Variants in FSTL5 observed in about 807,000 individuals in gnomAD.
FSTL5 encodes follistatin like 5.
Under a neutral mutation model 89.1 loss-of-function variants are expected in FSTL5, and 62 were observed. The ratio of observed to expected loss-of-function variants is 0.70; its 90% CI spans 0.57 to 0.86. FSTL5 has a LOEUF of 0.86. FSTL5 is among the 40% of genes least tolerant of loss of function. The probability of loss-of-function intolerance (pLI) is 0.00; values close to 1 mark genes in which losing one functional copy is unlikely to be tolerated. For missense variants in FSTL5, 1,057 were observed against 1,001.6 expected (o/e 1.06, Z -0.75); for synonymous variants, 383 against 346.2 (o/e 1.11, Z -1.18).
intron 6 of FSTL5, among the ~76,000 whole-genome samples, chr4:161,734,473 T>C (rs377404429): frequency 1.2e-4 from 18 of 152,270 alleles, no homozygotes; most frequent in African/African-American, 4.1e-4. Context: ...ATGTCTCTTA[T>C]CTCTGGGCCT....
intron 6 of FSTL5, among the ~76,000 whole-genome samples, chr4:161,745,748 G>A (rs1740179173): frequency 6.6e-6 from 1 of 151,830 alleles, no homozygotes; most frequent in Admixed American, 6.6e-5. Flanking sequence ...CCTAGCAAAT[G>A]TGTAATCATA....
chr4:161,448,153 T>A (rs1245567506), intron 15 of FSTL5, among the ~76,000 whole-genome samples: 2 of 152,146 alleles, frequency 1.3e-5, no homozygotes, highest in African/African-American at 4.8e-5. Context: ...AGTTTATTTC[T>A]CTTTGTGGGA....
intron 2 of FSTL5, among the ~76,000 whole-genome samples, chr4:162,086,324 CCTAT>C (rs1192577253): frequency 2.6e-5 from 4 of 151,770 alleles, no homozygotes; most frequent in Non-Finnish European, 4.4e-5. Context: ...TCTCCCTCTT[CCTAT>C]CTTTCTTTAT....
chr4:161,951,873 TATGA>T (rs1734905900), intron 3 of FSTL5, among the ~76,000 whole-genome samples: 1 of 152,006 alleles, frequency 6.6e-6, no homozygotes, highest in African/African-American at 2.4e-5. Flanking sequence ...CAAATTTTTG[TATGA>T]ATATCTTAGC....
Position 161,593,028 on chromosome 4 carries a change from G to GTT in FSTL5, c.895-5455_895-5454dup, listed in dbSNP as rs373976242. 6.5e-3 allele frequency among the ~76,000 whole-genome samples: 991 copies of GTT among 152,218 alleles called. 8 individuals are homozygous for GTT. Among genetic ancestry groups the GTT allele is most frequent in the African/African-American group, 0.022 (922 of 41,558 alleles). On this transcript the variant is annotated intron_variant, in intron 7 of 15. Coordinates refer to ENST00000306100, the MANE Select transcript of FSTL5 (RefSeq NM_020116.5). The stretch of plus-strand genomic sequence containing the variant: ...TGCTCTGAGGATTTACCTTCTAAGA[G>GTT]TTTTTTGTTCCTTGCCCTTTCCCAA...
intron 2 of FSTL5, among the ~76,000 whole-genome samples, chr4:162,108,742 T>TA (rs1229800867): frequency 1.3e-5 from 2 of 151,410 alleles, no homozygotes; most frequent in African/African-American, 2.4e-5. Context: ...GTTTGATAAA[T>TA]AAAAAGAAAT....
At chr4:161,953,350 T>A (rs900758413) in intron 3 of FSTL5, among the ~76,000 whole-genome samples, 1 of 151,544 alleles carries the variant, frequency 6.6e-6, no homozygotes, top group Non-Finnish European at 1.5e-5. Flanking sequence ...ATTATAAAAC[T>A]TTTAAATGTA....
intron 4 of FSTL5, among the ~76,000 whole-genome samples, chr4:161,857,738 C>T (rs1731765201): frequency 6.6e-6 from 1 of 152,142 alleles, no homozygotes; most frequent in Non-Finnish European, 1.5e-5. Context: ...ACTACTAGGA[C>T]CTGGAAGACT....
At chr4:161,450,805 C>T (rs1040717347) in intron 15 of FSTL5, among the ~76,000 whole-genome samples, 6 of 148,516 alleles carry the variant, frequency 4.0e-5, no homozygotes, top group East Asian at 2.0e-4. Flanking sequence ...TGCAGTGGCA[C>T]GATCTCGGCT....
rs1185527930 is a variant in FSTL5 at position 162,066,395 on chromosome 4, C to CT, written c.127-32738_127-32737insA. 6.3e-5 allele frequency among the ~76,000 whole-genome samples: 8 copies of CT among 127,028 alleles called. No homozygotes were observed. In the South Asian group the frequency reaches 8.3e-4, roughly 13 times the overall value. The allele number at this position is 127,028 out of a possible 152,430, so 83.3% of individuals were successfully genotyped here. A position where few individuals can be genotyped will look rare whatever the true frequency, so the allele number is the denominator to read the frequency against. On this transcript the variant is annotated intron_variant, in intron 2 of 15. Transcript: ENST00000306100. ...TCTCCTTCTTCTTCTTCTTCATTTT[C>CT]CTTTTTTTTTTCAGTTTTTCACCTT...
intron 4 of FSTL5, among the ~76,000 whole-genome samples, chr4:161,797,721 T>G (rs1172600746): frequency 6.6e-6 from 1 of 151,658 alleles, no homozygotes; most frequent in South Asian, 2.1e-4. Flanking sequence ...CTAGTAAGAA[T>G]GAGACATCAT....
chr4:162,123,407 C>T (rs1039278287), intron 1 of FSTL5, among the ~76,000 whole-genome samples: 2 of 152,044 alleles, frequency 1.3e-5, no homozygotes, highest in African/African-American at 4.8e-5. Context: ...AGAGAGATCC[C>T]AGAAAGAGAG....
chr4:162,006,100 T>C (rs1736608020), intron 3 of FSTL5, among the ~76,000 whole-genome samples: 1 of 152,004 alleles, frequency 6.6e-6, no homozygotes. Flanking sequence ...CATAGGCTTT[T>C]TTTTTAAAAT....
At chr4:161,662,604 G>A (rs1736755090) in intron 6 of FSTL5, among the ~76,000 whole-genome samples, 1 of 152,050 alleles carries the variant, frequency 6.6e-6, no homozygotes, top group South Asian at 2.1e-4. Flanking sequence ...TGAATAAAAA[G>A]CAAAACCAGA....
intron 6 of FSTL5, among the ~76,000 whole-genome samples, chr4:161,722,173 T>A (rs1739241548): frequency 6.6e-6 from 1 of 152,200 alleles, no homozygotes; most frequent in Non-Finnish European, 1.5e-5. Context: ...AATATTACTT[T>A]ATTTTCATCC....
At chr4:161,416,044 T>C (rs1282824748) in intron 15 of FSTL5, among the ~76,000 whole-genome samples, 1 of 152,096 alleles carries the variant, frequency 6.6e-6, no homozygotes, top group Non-Finnish European at 1.5e-5. Context: ...CTTTATTCGT[T>C]GATGAGCTTT....
At chr4:161,715,740 G>A (rs1399435554) in intron 6 of FSTL5, among the ~76,000 whole-genome samples, 1 of 152,138 alleles carries the variant, frequency 6.6e-6, no homozygotes, top group East Asian at 1.9e-4. Flanking sequence ...TTAGCCTCCT[G>A]TGATGTACAG....
At chr4:162,104,027 T>C (rs554140149) in intron 2 of FSTL5, among the ~76,000 whole-genome samples, 8 of 152,322 alleles carry the variant, frequency 5.3e-5, no homozygotes, top group Non-Finnish European at 2.9e-5. Flanking sequence ...TGCACTCTTC[T>C]GATCCGCGTT....
chr4:161,573,733 C>CAAAAAAAAAAAAAA (rs70937664), intron 8 of FSTL5, among the ~76,000 whole-genome samples: 28 of 50,622 alleles, frequency 5.5e-4, no homozygotes, highest in Non-Finnish European at 6.5e-4. Flanking sequence ...AACTCCAGCT[C>CAAAAAAAAAAAAAA]AAAAAAAAAA....
Sources: gnomAD v4.1 joint callset for allele counts (sites outside exome capture counted in the v4.1 genomes callset) on GRCh38, gnomAD v4.1.1 for gene constraint, MANE v1.5 for transcripts, NCBI Gene and HGNC (gene_info 2026-07-23, HGNC 2026-07-21) for gene names.